The following DLG2 variants were observed in gnomAD, a reference collection of about 807,000 sequenced individuals.
The protein encoded by DLG2 is disks large homolog 2.
A neutral mutation model predicts 132.5 loss-of-function variants in DLG2; 45 were observed. The observed-to-expected ratio is 0.34, with a 90% CI of 0.27 to 0.44. The LOEUF (loss-of-function observed/expected upper bound fraction) is 0.44. DLG2 is among the 20% of genes least tolerant of loss of function. The pLI is 1.00. For synonymous variants in DLG2, 424 were observed against 419.6 expected (o/e 1.01, Z -0.13); for missense variants, 1,045 against 1,196.9 (o/e 0.87, Z 1.87).
intron 6 of DLG2, among the ~76,000 whole-genome samples, chr11:84,944,555 CA>C (rs1202980820): frequency 6.6e-6 from 1 of 151,338 alleles, no homozygotes; most frequent in Non-Finnish European, 1.5e-5. Flanking sequence ...TTGAATTTTT[CA>C]GCTCCAGAAT....
chr11:84,179,334 T>A (rs959180412), intron 8 of DLG2, among the ~76,000 whole-genome samples: 38 of 152,268 alleles, frequency 2.5e-4, no homozygotes, highest in African/African-American at 8.7e-4. Flanking sequence ...GTTAGATCCA[T>A]CAGAGAAGTT....
At chr11:84,241,402 T>C (rs1229651703) in intron 8 of DLG2, among the ~76,000 whole-genome samples, 2 of 152,212 alleles carry the variant, frequency 1.3e-5, no homozygotes, top group African/African-American at 4.8e-5. Flanking sequence ...AGAGGAACTC[T>C]ACCCTGAATC....
At chr11:83,999,219 C>T (rs1392053957) in intron 11 of DLG2, among the ~76,000 whole-genome samples, 2 of 152,076 alleles carry the variant, frequency 1.3e-5, no homozygotes, top group East Asian at 3.9e-4. Context: ...GTCCCTTCTT[C>T]CACCCTCTGG....
intron 4 of DLG2, among the ~76,000 whole-genome samples, chr11:85,198,079 C>T (rs929205219): frequency 5.9e-5 from 9 of 151,998 alleles, no homozygotes; most frequent in Non-Finnish European, 8.8e-5. Flanking sequence ...GCAGGTCTAG[C>T]CAACACCTAA....
intron 6 of DLG2, among the ~76,000 whole-genome samples, chr11:84,717,737 A>G (rs1428338868): frequency 6.6e-6 from 1 of 152,108 alleles, no homozygotes; most frequent in Non-Finnish European, 1.5e-5. Flanking sequence ...TTCTCCTATA[A>G]GTAATAAGCC....
intron 7 of DLG2, among the ~76,000 whole-genome samples, chr11:84,479,978 T>C (rs933351238): frequency 2.6e-5 from 4 of 152,160 alleles, no homozygotes; most frequent in Non-Finnish European, 5.9e-5. Context: ...TTCTCATTCC[T>C]TTACTAGTAT....
chr11:83,790,208 A>G lies in DLG2; in HGVS notation c.1723-3416T>C, dbSNP rs929886894. The G allele has an allele frequency of 6.0e-5, 53 of 883,162 alleles. 1 individual carries two copies. The highest frequency in any genetic ancestry group is 4.2e-5 in the Non-Finnish European group (23 of 547,002). 54.7% of individuals were successfully genotyped at this position (883,162 alleles called of 1,614,324 possible). A position where few individuals can be genotyped will look rare whatever the true frequency, so the allele number is the denominator to read the frequency against. On this transcript the variant is annotated intron_variant, in intron 17 of 27. Transcript: ENST00000376104. The stretch of plus-strand genomic sequence containing the variant: ...AGAGTCCCTGACTGAATGCTCAATT[A>G]GATCAACTATGGATGTATGCCCTTC...
chr11:84,657,739 G>C (rs945058229), intron 6 of DLG2, among the ~76,000 whole-genome samples: 2 of 152,152 alleles, frequency 1.3e-5, no homozygotes, highest in African/African-American at 4.8e-5. Flanking sequence ...CCTGCTGTGT[G>C]TCTTAATTCT....
intron 7 of DLG2, among the ~76,000 whole-genome samples, chr11:84,437,116 G>T (rs2099003122): frequency 6.6e-6 from 1 of 152,176 alleles, no homozygotes; most frequent in African/African-American, 2.4e-5. Flanking sequence ...TAATTTAAAG[G>T]AATCTTAAGT....
At chr11:85,116,155 A>C (rs2073540984) in intron 5 of DLG2, among the ~76,000 whole-genome samples, 1 of 152,044 alleles carries the variant, frequency 6.6e-6, no homozygotes, top group African/African-American at 2.4e-5. Flanking sequence ...AATAATGTGT[A>C]TGCAAATGGA....
intron 10 of DLG2, among the ~76,000 whole-genome samples, chr11:84,077,922 A>G (rs952257417): frequency 6.6e-6 from 1 of 152,200 alleles, no homozygotes; most frequent in African/African-American, 2.4e-5. Flanking sequence ...CACATGTACA[A>G]ATATAAATCT....
chr11:85,123,453 T>G (rs973390076), intron 5 of DLG2, among the ~76,000 whole-genome samples: 1 of 152,028 alleles, frequency 6.6e-6, no homozygotes, highest in African/African-American at 2.4e-5. Context: ...GGACAGATTA[T>G]AAGGAATAGA....
chr11:85,324,537 A>C (rs567727627), intron 3 of DLG2, among the ~76,000 whole-genome samples: 10 of 152,300 alleles, frequency 6.6e-5, no homozygotes, highest in African/African-American at 2.2e-4. Flanking sequence ...CTTTCGGAGC[A>C]TCATCCCCAT....
rs772107583 is a variant in DLG2 at position 83,724,845 on chromosome 11, A to G, written c.1825+61845T>C. 4.3e-6 allele frequency: 3 copies of G among 702,490 alleles called. No individual in the cohort carries two copies. In the South Asian group the frequency reaches 4.4e-5, roughly 10 times the overall value. 43.5% of individuals were successfully genotyped at this position (702,490 alleles called of 1,614,324 possible). A position where few individuals can be genotyped will look rare whatever the true frequency, so the allele number is the denominator to read the frequency against. On this transcript the variant is annotated intron_variant, in intron 18 of 27. Transcript: ENST00000376104. ...GAGAAATGGGTCTGAGAAAAGCAGC[A>G]TGATTCTCACCACAGCTCTTTAGCA...
At chr11:83,565,453 C>T (rs12801634) in intron 19 of DLG2, among the ~76,000 whole-genome samples, 6,796 of 152,242 alleles carry the variant, frequency 0.045, 190 homozygotes, top group South Asian at 0.12. Flanking sequence ...AGTTTTAAAA[C>T]GTCAGTAACT....
intron 20 of DLG2, among the ~76,000 whole-genome samples, chr11:83,536,369 A>G (rs2095876063): frequency 6.6e-6 from 1 of 152,114 alleles, no homozygotes; most frequent in Non-Finnish European, 1.5e-5. Context: ...GTGCATTCCC[A>G]TCACAGAGGC....
At chr11:84,383,866 G>A (rs2098757886) in intron 7 of DLG2, among the ~76,000 whole-genome samples, 1 of 151,896 alleles carries the variant, frequency 6.6e-6, no homozygotes, top group South Asian at 2.1e-4. Flanking sequence ...TAATAAACAT[G>A]GTTTGTTTCA....
chr11:84,558,885 C>T lies in DLG2; in HGVS notation c.358-24154G>A, dbSNP rs2154525751. Among the ~76,000 whole-genome samples the T allele has an allele frequency of 2.0e-5, 3 of 152,242 alleles. No individual in the cohort carries two copies. In the South Asian group the frequency reaches 6.2e-4, roughly 32 times the overall value. ...AGCTTCAAGAGTACTCTTCCAAAGACTTCAGGGTCTCCTCCAGCAGTTAGC... is the reference window on the plus strand; with the variant it reads ...AGCTTCAAGAGTACTCTTCCAAAGATTTCAGGGTCTCCTCCAGCAGTTAGC... On this transcript the variant is annotated intron_variant, in intron 6 of 27. Transcript: ENST00000376104.
intron 8 of DLG2, among the ~76,000 whole-genome samples, chr11:84,206,900 A>G (rs1406607096): frequency 1.3e-5 from 2 of 152,024 alleles, no homozygotes; most frequent in Non-Finnish European, 2.9e-5. Context: ...TTCATATAAA[A>G]TTAGGTTAAT....
Sources: allele counts gnomAD v4.1 joint callset (sites outside exome capture counted in the v4.1 genomes callset), GRCh38; gene constraint gnomAD v4.1.1; transcripts MANE v1.5; gene names NCBI Gene and HGNC (gene_info 2026-07-23, HGNC 2026-07-21).